TENM3: variants seen among roughly 807,000 people sequenced by gnomAD.
TENM3 encodes teneurin transmembrane protein 3, also known as teneurin-3.
A neutral mutation model predicts 255.1 loss-of-function variants in TENM3; 63 were observed. That is an observed-to-expected ratio of 0.25 (90% CI 0.20 to 0.30). The LOEUF (loss-of-function observed/expected upper bound fraction) is 0.30, where lower values mean the gene tolerates loss of function less well. Ranked by LOEUF, TENM3 falls within the 10% of genes least tolerant of loss-of-function variation. The pLI is 1.00. For missense variants in TENM3, 2,929 were observed against 3,461.1 expected (o/e 0.85, Z 3.86); for synonymous variants, 1,306 against 1,322.3 (o/e 0.99, Z 0.27).
the TENM3 span, among the ~76,000 whole-genome samples, chr4:181,644,075 C>CAAAA: frequency 1.7e-5 from 1 of 58,262 alleles, no homozygotes; most frequent in African/African-American, 6.7e-5. Flanking sequence ...GACTCCATCT[C>CAAAA]AAAAAAAAAA....
intron 3 of TENM3, among the ~76,000 whole-genome samples, chr4:182,467,527 C>A (rs1732710041): frequency 6.6e-6 from 1 of 152,062 alleles, no homozygotes; most frequent in Non-Finnish European, 1.5e-5. Context: ...TTTTTCAAGA[C>A]AATAAATGAT....
At chr4:182,399,675 G>C (rs1461583181) in intron 3 of TENM3, among the ~76,000 whole-genome samples, 4 of 152,192 alleles carry the variant, frequency 2.6e-5, no homozygotes, top group Non-Finnish European at 5.9e-5. Flanking sequence ...CGCACTGCTT[G>C]TTCAGTTTTT....
At chr4:182,505,030 T>C (rs907577180) in intron 3 of TENM3, among the ~76,000 whole-genome samples, 1 of 152,168 alleles carries the variant, frequency 6.6e-6, no homozygotes, top group African/African-American at 2.4e-5. Context: ...TTTTATTACA[T>C]CATAATACTT....
chr4:181,928,302 T>C, the TENM3 span, among the ~76,000 whole-genome samples: 11 of 151,972 alleles, frequency 7.2e-5, no homozygotes, highest in African/African-American at 2.7e-4. Context: ...AGATGAAATG[T>C]TAACTAGAAT....
chr4:181,559,977 T>C, the TENM3 span, among the ~76,000 whole-genome samples: 3 of 152,396 alleles, frequency 2.0e-5, no homozygotes, highest in Admixed American at 2.0e-4. Flanking sequence ...TTATTAAATG[T>C]CATGGCCTTC....
At chr4:181,502,174 T>C in the TENM3 span, among the ~76,000 whole-genome samples, 443 of 152,348 alleles carry the variant, frequency 2.9e-3, 2 homozygotes, top group Admixed American at 8.0e-3. Flanking sequence ...TTCTATGTGA[T>C]ACTATAATGG....
chr4:181,711,083 C>T, the TENM3 span, among the ~76,000 whole-genome samples: 702 of 152,248 alleles, frequency 4.6e-3, 9 homozygotes, highest in African/African-American at 0.014. Context: ...ACCTTTTCTA[C>T]ATTAGAAAAA....
At chr4:182,400,970 G>A (rs985092711) in intron 3 of TENM3, among the ~76,000 whole-genome samples, 1 of 152,194 alleles carries the variant, frequency 6.6e-6, no homozygotes, top group African/African-American at 2.4e-5. Flanking sequence ...TAAATGTGGA[G>A]CAACCCCGTG....
chr4:182,763,034 T>C (rs116115948), intron 22 of TENM3, among the ~76,000 whole-genome samples: 2,364 of 152,316 alleles, frequency 0.016, 31 homozygotes, highest in African/African-American at 0.038. Context: ...TGTAAAGAAA[T>C]ACTCCTTTGT....
upstream of TENM3, chr4:182,141,900 C>A (rs1208997887): frequency 6.6e-6 from 1 of 152,174 alleles, no homozygotes; most frequent in African/African-American, 2.4e-5. Context: ...AGGATTGGGG[C>A]AGTGTCTCAT....
chr4:182,798,690 C>T (rs1408879198), intron 27 of TENM3, among the ~76,000 whole-genome samples: 4 of 152,222 alleles, frequency 2.6e-5, no homozygotes, highest in Non-Finnish European at 5.9e-5. Context: ...TCTAACTGTA[C>T]AAATGGACTT....
the TENM3 span, among the ~76,000 whole-genome samples, chr4:181,566,129 T>G: frequency 6.6e-6 from 1 of 152,184 alleles, no homozygotes; most frequent in Non-Finnish European, 1.5e-5. Context: ...TTAAAATAAT[T>G]TGGGGAAATA....
the TENM3 span, among the ~76,000 whole-genome samples, chr4:181,915,512 G>A: frequency 6.6e-6 from 1 of 152,048 alleles, no homozygotes; most frequent in South Asian, 2.1e-4. Context: ...TATACATGCT[G>A]TAAAAGTGAT....
At chr4:181,929,254 C>T in the TENM3 span, among the ~76,000 whole-genome samples, 1 of 151,890 alleles carries the variant, frequency 6.6e-6, no homozygotes, top group Admixed American at 6.6e-5. Context: ...GAGTCAAGAC[C>T]CATCAGTGTG....
chr4:182,656,489 C>A (rs892132765), intron 6 of TENM3, among the ~76,000 whole-genome samples: 2 of 152,034 alleles, frequency 1.3e-5, no homozygotes, highest in Admixed American at 6.6e-5. Context: ...AGCTGCAAAC[C>A]GCTGCTTTTC....
chr4:182,624,264 T>C (rs555324563), intron 4 of TENM3, among the ~76,000 whole-genome samples: 2 of 152,362 alleles, frequency 1.3e-5, no homozygotes, highest in East Asian at 3.9e-4. Context: ...TTTGGGTATA[T>C]CCCAAAGCCT....
At chr4:181,940,683 G>A in the TENM3 span, among the ~76,000 whole-genome samples, 1 of 152,202 alleles carries the variant, frequency 6.6e-6, no homozygotes, top group Non-Finnish European at 1.5e-5. Flanking sequence ...AAGGTGAAGT[G>A]AGCTAGGCAG....
chr4:182,255,835 G>T (rs906171711), intron 1 of TENM3, among the ~76,000 whole-genome samples: 1 of 152,144 alleles, frequency 6.6e-6, no homozygotes, highest in African/African-American at 2.4e-5. Context: ...TGAATGAGAA[G>T]ACTGAAGTAC....
chr4:182,397,754 T>C (rs1214012044), intron 3 of TENM3, among the ~76,000 whole-genome samples: 1 of 152,140 alleles, frequency 6.6e-6, no homozygotes, highest in Non-Finnish European at 1.5e-5. Flanking sequence ...AACAAATTGC[T>C]GGGCCCCCTT....
Sources: gnomAD v4.1 joint callset for allele counts (sites outside exome capture counted in the v4.1 genomes callset) on GRCh38, gnomAD v4.1.1 for gene constraint, MANE v1.5 for transcripts, NCBI Gene and HGNC (gene_info 2026-07-23, HGNC 2026-07-21) for gene names.